Variants in SLC16A10 observed in about 807,000 individuals in gnomAD.
SLC16A10 encodes monocarboxylate transporter 10.
SLC16A10 carries 27 observed loss-of-function variants against 40.0 expected under a neutral mutation model. The ratio of observed to expected loss-of-function variants is 0.67; its 90% CI spans 0.50 to 0.93. The LOEUF is 0.93. Ranked by LOEUF, SLC16A10 falls within the 40% of genes least tolerant of loss-of-function variation. SLC16A10 has a pLI of 0.00. For synonymous variants in SLC16A10, 213 were observed against 249.8 expected (o/e 0.85, Z 1.39); for missense variants, 529 against 658.2 (o/e 0.80, Z 2.15).
At chr6:111,168,524 A>G (rs1360880096) in intron 1 of SLC16A10, among the ~76,000 whole-genome samples, 2 of 152,204 alleles carry the variant, frequency 1.3e-5, no homozygotes, top group African/African-American at 2.4e-5. Flanking sequence ...ACAACAGTCC[A>G]TTTTATTTTT....
At chr6:111,177,757 C>T in intron 3 of SLC16A10, 92 bp downstream of exon 3, 1 of 1,156,514 alleles carries the variant, frequency 8.6e-7, no homozygotes, top group Non-Finnish European at 1.2e-6. Flanking sequence ...AAGTTGGCCT[C>T]AAACATTATC....
In SLC16A10 at chr6:111,113,495, A is replaced by G. The variant is rs919544642; in HGVS notation, c.343+25400A>G. On this transcript the variant is annotated intron_variant, in intron 1 of 5. Coordinates refer to ENST00000368851, the MANE Select transcript of SLC16A10 (RefSeq NM_018593.5). ...TTTGTTGTTGTTTGTTTGTTTTGCCACTTTTAACTCTCAAGCTAAAACTGG... is the reference window on the plus strand; with the variant it reads ...TTTGTTGTTGTTTGTTTGTTTTGCCGCTTTTAACTCTCAAGCTAAAACTGG... Among the ~76,000 whole-genome samples, 6 of 152,180 alleles carry G rather than the reference A, an allele frequency of 3.9e-5. No homozygotes were observed. In the East Asian group the frequency reaches 9.6e-4, roughly 24 times the overall value.
intron 1 of SLC16A10, among the ~76,000 whole-genome samples, chr6:111,123,085 A>G (rs1344544369): frequency 6.6e-6 from 1 of 152,130 alleles, no homozygotes; most frequent in Non-Finnish European, 1.5e-5. Flanking sequence ...TGTGATCTGG[A>G]TCTTATTACC....
chr6:111,124,922 T>G (rs1771649083), intron 1 of SLC16A10, among the ~76,000 whole-genome samples: 1 of 152,190 alleles, frequency 6.6e-6, no homozygotes, highest in South Asian at 2.1e-4. Context: ...ATTGTACATT[T>G]TCTGGGAGTT....
chr6:111,147,557 A>G (rs1454071271), intron 1 of SLC16A10, among the ~76,000 whole-genome samples: 5 of 152,222 alleles, frequency 3.3e-5, no homozygotes, highest in Non-Finnish European at 7.3e-5. Context: ...AAGAAAAGCA[A>G]GAAAATGAAC....
intron 1 of SLC16A10, among the ~76,000 whole-genome samples, chr6:111,145,441 T>G (rs1260661994): frequency 6.6e-6 from 1 of 152,134 alleles, no homozygotes; most frequent in Non-Finnish European, 1.5e-5. Flanking sequence ...GTTTTAAAAA[T>G]ATATTATTAA....
intron 1 of SLC16A10, among the ~76,000 whole-genome samples, chr6:111,166,058 A>G (rs1053589862): frequency 6.6e-6 from 1 of 152,172 alleles, no homozygotes; most frequent in Non-Finnish European, 1.5e-5. Context: ...TCTGTGTTCT[A>G]TCCTGTCTTA....
intron 1 of SLC16A10, among the ~76,000 whole-genome samples, chr6:111,167,727 G>A (rs1772504196): frequency 6.6e-6 from 1 of 151,910 alleles, no homozygotes; most frequent in Non-Finnish European, 1.5e-5. Context: ...GGAGTGCAGT[G>A]GCATGATCAT....
intron 1 of SLC16A10, among the ~76,000 whole-genome samples, chr6:111,103,949 T>C (rs1771235453): frequency 6.6e-6 from 1 of 152,190 alleles, no homozygotes; most frequent in Non-Finnish European, 1.5e-5. Flanking sequence ...GTGTTTTAGG[T>C]GGGGCTACTA....
At chr6:111,104,711 G>A (rs1286255935) in intron 1 of SLC16A10, among the ~76,000 whole-genome samples, 1 of 152,086 alleles carries the variant, frequency 6.6e-6, no homozygotes, top group African/African-American at 2.4e-5. Context: ...CCAGTGGTGG[G>A]GCTTTGGAAA....
chr6:111,155,426 C>G (rs540979706), intron 1 of SLC16A10, among the ~76,000 whole-genome samples: 1 of 152,102 alleles, frequency 6.6e-6, no homozygotes, highest in African/African-American at 2.4e-5. Context: ...TCTCAAACTC[C>G]TGGCCTCAAG....
intron 1 of SLC16A10, among the ~76,000 whole-genome samples, chr6:111,136,903 C>G (rs1771889687): frequency 6.6e-6 from 1 of 152,172 alleles, no homozygotes; most frequent in South Asian, 2.1e-4. Flanking sequence ...AGTATGCTTA[C>G]CTAGTCCTCC....
intron 3 of SLC16A10, among the ~76,000 whole-genome samples, chr6:111,185,511 C>G (rs1159452852): frequency 6.6e-6 from 1 of 152,140 alleles, no homozygotes; most frequent in Non-Finnish European, 1.5e-5. Flanking sequence ...GAGAAAATAT[C>G]TATACCCTTA....
intron 1 of SLC16A10, among the ~76,000 whole-genome samples, chr6:111,101,286 C>T (rs985781867): frequency 7.9e-5 from 12 of 151,950 alleles, no homozygotes; most frequent in African/African-American, 2.7e-4. Context: ...TCCACCTCAG[C>T]CTCTGAAAGT....
chr6:111,136,337 G>T (rs916424896), intron 1 of SLC16A10, among the ~76,000 whole-genome samples: 7 of 152,236 alleles, frequency 4.6e-5, no homozygotes, highest in Admixed American at 3.9e-4. Flanking sequence ...TAAGGAAATT[G>T]ATGTAGTGGC....
intron 1 of SLC16A10, among the ~76,000 whole-genome samples, chr6:111,120,081 C>G (rs1771557119): frequency 1.3e-5 from 2 of 152,206 alleles, no homozygotes; most frequent in South Asian, 4.1e-4. Flanking sequence ...TGTCTGTATC[C>G]ATTTCCCAAA....
At chr6:111,113,821 A>G (rs1287376760) in intron 1 of SLC16A10, among the ~76,000 whole-genome samples, 3 of 152,154 alleles carry the variant, frequency 2.0e-5, no homozygotes, top group African/African-American at 7.2e-5. Flanking sequence ...TTGTCCCTCC[A>G]GTGTTGTTGC....
At chr6:111,147,124 A>G (rs977020083) in intron 1 of SLC16A10, among the ~76,000 whole-genome samples, 2 of 152,228 alleles carry the variant, frequency 1.3e-5, no homozygotes, top group African/African-American at 4.8e-5. Flanking sequence ...GAATTACATA[A>G]TGATGATAGT....
chr6:111,187,296 T>C (rs1476531005), intron 3 of SLC16A10, among the ~76,000 whole-genome samples: 1 of 152,074 alleles, frequency 6.6e-6, no homozygotes, highest in Non-Finnish European at 1.5e-5. Context: ...AAGAACCAGA[T>C]TTGGGGTGGC....
Sources: gnomAD v4.1 joint callset for allele counts (sites outside exome capture counted in the v4.1 genomes callset) on GRCh38, gnomAD v4.1.1 for gene constraint, MANE v1.5 for transcripts, NCBI Gene and HGNC (gene_info 2026-07-23, HGNC 2026-07-21) for gene names.